QTGAL: variants seen among roughly 807,000 people sequenced by gnomAD.
The protein encoded by QTGAL is queuosine-tRNA galactosyltransferase.
the QTGAL span, among the ~76,000 whole-genome samples, chr17:82,975,307 G>A: frequency 8.4e-4 from 5 of 5,950 alleles, no homozygotes; most frequent in Admixed American, 5.4e-3. Context: ...GACAGAGCCG[G>A]ACTCCATCCT....
chr17:83,033,464 T>G, the QTGAL span, among the ~76,000 whole-genome samples: 1 of 148,352 alleles, frequency 6.7e-6, no homozygotes, highest in Non-Finnish European at 1.5e-5. Flanking sequence ...TCCAAAATAC[T>G]AAGTTATATG....
At chr17:83,013,329 C>T in the QTGAL span, among the ~76,000 whole-genome samples, 4 of 147,424 alleles carry the variant, frequency 2.7e-5, no homozygotes, top group African/African-American at 5.0e-5. Context: ...AACCTCCGTG[C>T]AGCCGGCTGC....
the QTGAL span, among the ~76,000 whole-genome samples, chr17:83,028,276 G>T: frequency 6.6e-6 from 1 of 151,998 alleles, no homozygotes; most frequent in African/African-American, 2.4e-5. Flanking sequence ...TGTAATCCCA[G>T]CACTTTGGGA....
At chr17:82,974,534 A>G in the QTGAL span, among the ~76,000 whole-genome samples, 10 of 152,304 alleles carry the variant, frequency 6.6e-5, no homozygotes, top group African/African-American at 2.2e-4. Context: ...GAGGGACAGG[A>G]GTGAGGCAGG....
chr17:83,028,485 A>G, the QTGAL span, among the ~76,000 whole-genome samples: 1 of 148,098 alleles, frequency 6.8e-6, no homozygotes, highest in Admixed American at 6.7e-5. Flanking sequence ...AGATTGCGCC[A>G]CTGCACTCCA....
the QTGAL span, chr17:82,957,053 CCCTGGAGGCCCCGAGGAGCCAGCACGG>C: frequency 4.5e-6 from 6 of 1,322,288 alleles, no homozygotes; most frequent in South Asian, 7.5e-5. Flanking sequence ...GGGCTGGGCT[CCCTGGAGGCCCCGAGGAGCCAGCACGG>C]CCCAGGTGGA....
At chr17:82,957,178 C>A in the QTGAL span, 4 of 1,614,188 alleles carry the variant, frequency 2.5e-6, no homozygotes, top group African/African-American at 1.3e-5. Context: ...CGGCCCTGCA[C>A]ACCTGAGAGT....
the QTGAL span, among the ~76,000 whole-genome samples, chr17:82,952,146 G>T: frequency 6.6e-6 from 1 of 152,214 alleles, no homozygotes. Flanking sequence ...ACGTTGTTCT[G>T]CCTGGACTTG....
the QTGAL span, among the ~76,000 whole-genome samples, chr17:82,964,734 G>A: frequency 3.8e-5 from 5 of 132,264 alleles, no homozygotes; most frequent in East Asian, 2.5e-4. Flanking sequence ...GGACACGGAC[G>A]CCTGCAGGTG....
chr17:82,994,448 G>GA, the QTGAL span, among the ~76,000 whole-genome samples: 2 of 151,354 alleles, frequency 1.3e-5, no homozygotes, highest in Admixed American at 6.6e-5. Flanking sequence ...GAAAATCTAG[G>GA]AAAAAAAATC....
At chr17:82,972,337 A>G in the QTGAL span, among the ~76,000 whole-genome samples, 3,440 of 54,952 alleles carry the variant, frequency 0.063, no homozygotes, top group African/African-American at 0.092. Context: ...AGGACCTGGT[A>G]CTGACCACAC....
chr17:83,026,467 CAG>C, the QTGAL span, among the ~76,000 whole-genome samples: 1 of 152,268 alleles, frequency 6.6e-6, no homozygotes, highest in South Asian at 2.1e-4. Flanking sequence ...CCGCAGAGGA[CAG>C]ATACACAGAG....
chr17:83,041,296 G>A, the QTGAL span, among the ~76,000 whole-genome samples: 7 of 151,994 alleles, frequency 4.6e-5, no homozygotes, highest in East Asian at 9.7e-4. Flanking sequence ...AGTACCACAC[G>A]GAAAGGCAAG....
chr17:83,021,674 A>G, the QTGAL span, among the ~76,000 whole-genome samples: 1 of 152,200 alleles, frequency 6.6e-6, no homozygotes, highest in Non-Finnish European at 1.5e-5. Flanking sequence ...CAAAGGACCT[A>G]AAAGAAAAAA....
chr17:83,033,732 A>C, the QTGAL span, among the ~76,000 whole-genome samples: 34 of 152,112 alleles, frequency 2.2e-4, no homozygotes, highest in African/African-American at 7.9e-4. Context: ...CGGCCTCCCA[A>C]AGTGCTGGGA....
the QTGAL span, among the ~76,000 whole-genome samples, chr17:83,036,713 C>T: frequency 6.6e-6 from 1 of 152,090 alleles, no homozygotes; most frequent in Non-Finnish European, 1.5e-5. Flanking sequence ...CAGCCCAGGG[C>T]AGACCACCGT....
chr17:83,017,633 T>C, the QTGAL span, among the ~76,000 whole-genome samples: 1 of 152,036 alleles, frequency 6.6e-6, no homozygotes, highest in African/African-American at 2.4e-5. Context: ...AAAAACAAAA[T>C]GAAATAGCTA....
the QTGAL span, among the ~76,000 whole-genome samples, chr17:83,018,512 T>C: frequency 1.3e-5 from 2 of 152,194 alleles, no homozygotes; most frequent in African/African-American, 4.8e-5. Context: ...GAATAGCTAA[T>C]ATTATCTCTA....
the QTGAL span, among the ~76,000 whole-genome samples, chr17:82,962,253 A>C: frequency 6.6e-6 from 1 of 151,990 alleles, no homozygotes; most frequent in Non-Finnish European, 1.5e-5. Context: ...TTCCACGTCC[A>C]AAAAAAAGGC....
Sources: gnomAD v4.1 joint callset for allele counts (sites outside exome capture counted in the v4.1 genomes callset) on GRCh38, gnomAD v4.1.1 for gene constraint, MANE v1.5 for transcripts, NCBI Gene and HGNC (gene_info 2026-07-23, HGNC 2026-07-21) for gene names.